STX8: variants seen among roughly 807,000 people sequenced by gnomAD.
STX8 encodes the protein syntaxin 8.
Under a neutral mutation model 37.5 loss-of-function variants are expected in STX8, and 23 were observed. The observed-to-expected ratio is 0.61, with a 90% CI of 0.44 to 0.87. The LOEUF (loss-of-function observed/expected upper bound fraction) is 0.87. Among genes scored for constraint, STX8 ranks in the 40% least tolerant of loss-of-function variants. The pLI, the probability that STX8 is intolerant of heterozygous loss-of-function variation, is 0.00. For synonymous variants in STX8, 115 were observed against 99.1 expected, an observed-to-expected ratio of 1.16 and a Z score of -0.95; for missense variants, 313 against 284.7, an observed-to-expected ratio of 1.10 and a Z score of -0.71.
At chr17:9,397,194 G>A (rs1319424886) in intron 6 of STX8, among the ~76,000 whole-genome samples, 4 of 152,154 alleles carry the variant, frequency 2.6e-5, no homozygotes, top group African/African-American at 4.8e-5. Context: ...TCAGGAGTTC[G>A]AGACCAGCCT....
At chr17:9,346,013 G>A (rs148904712) in intron 7 of STX8, among the ~76,000 whole-genome samples, 19 of 151,658 alleles carry the variant, frequency 1.3e-4, no homozygotes, top group East Asian at 3.9e-4. Flanking sequence ...CACCACACCC[G>A]GCTCATTTTT....
At chr17:9,490,699 T>C (rs1906817229) in intron 6 of STX8, among the ~76,000 whole-genome samples, 1 of 152,198 alleles carries the variant, frequency 6.6e-6, no homozygotes, top group African/African-American at 2.4e-5. Flanking sequence ...CATCGTGTTA[T>C]TACTAAAAGC....
At chr17:9,575,519 G>A (rs1055923109) in intron 1 of STX8, among the ~76,000 whole-genome samples, 1 of 152,200 alleles carries the variant, frequency 6.6e-6, no homozygotes, top group African/African-American at 2.4e-5. Context: ...TCCCCGCAAC[G>A]AGATGCAGCC....
At chr17:9,307,248 C>G (rs537536788) in intron 7 of STX8, among the ~76,000 whole-genome samples, 1 of 152,328 alleles carries the variant, frequency 6.6e-6, no homozygotes, top group South Asian at 2.1e-4. Context: ...CCATCCCCCC[C>G]ACCAAAACAA....
chr17:9,376,138 T>C (rs963102733), intron 7 of STX8, among the ~76,000 whole-genome samples: 1 of 152,230 alleles, frequency 6.6e-6, no homozygotes, highest in South Asian at 2.1e-4. Flanking sequence ...GCTGGACTTC[T>C]GGGTCGGGTG....
At chr17:9,445,571 C>T (rs1278427261) in intron 6 of STX8, among the ~76,000 whole-genome samples, 11 of 146,956 alleles carry the variant, frequency 7.5e-5, no homozygotes, top group South Asian at 2.2e-4. Flanking sequence ...ACCACGCAAG[C>T]GGGGAAGGCA....
chr17:9,406,464 G>A (rs952795189), intron 6 of STX8, among the ~76,000 whole-genome samples: 1 of 152,138 alleles, frequency 6.6e-6, no homozygotes, highest in African/African-American at 2.4e-5. Flanking sequence ...AGCAACAGGA[G>A]GTGACTATGA....
chr17:9,565,529 T>C (rs1400488612), intron 2 of STX8, among the ~76,000 whole-genome samples: 2 of 146,344 alleles, frequency 1.4e-5, no homozygotes, highest in East Asian at 2.0e-4. Context: ...GATGCAAGAA[T>C]CACTTGAAGC....
At chr17:9,330,750 T>C (rs1232168814) in intron 7 of STX8, among the ~76,000 whole-genome samples, 1 of 152,220 alleles carries the variant, frequency 6.6e-6, no homozygotes, top group African/African-American at 2.4e-5. Flanking sequence ...ATGGCTTGTA[T>C]ACACTTTCCA....
At chr17:9,275,596 G>T (rs961307262) in intron 7 of STX8, among the ~76,000 whole-genome samples, 8 of 152,174 alleles carry the variant, frequency 5.3e-5, no homozygotes, top group Non-Finnish European at 1.2e-4. Flanking sequence ...CAGGTTGGGC[G>T]CAGTGGCTCA....
chr17:9,545,488 G>A (rs1430243100), intron 3 of STX8, among the ~76,000 whole-genome samples: 1 of 152,154 alleles, frequency 6.6e-6, no homozygotes, highest in Non-Finnish European at 1.5e-5. Flanking sequence ...CAGGACCATC[G>A]CAGAGGCACT....
intron 6 of STX8, among the ~76,000 whole-genome samples, chr17:9,482,910 G>A (rs114641532): frequency 2.9e-4 from 44 of 152,126 alleles, no homozygotes; most frequent in African/African-American, 9.4e-4. Flanking sequence ...GCGAAACTGC[G>A]TCTCAAAAAA....
intron 2 of STX8, among the ~76,000 whole-genome samples, chr17:9,563,127 A>T (rs1907310113): frequency 6.6e-6 from 1 of 151,792 alleles, no homozygotes; most frequent in African/African-American, 2.4e-5. Context: ...GATACAAAAG[A>T]GTATCTGTCA....
intron 6 of STX8, among the ~76,000 whole-genome samples, chr17:9,455,479 G>A (rs760356344): frequency 4.6e-5 from 7 of 152,086 alleles, no homozygotes; most frequent in East Asian, 3.9e-4. Flanking sequence ...CAGCCTGGGC[G>A]ACAGAGCGAG....
intron 4 of STX8, among the ~76,000 whole-genome samples, chr17:9,518,524 T>C (rs115435389): frequency 0.035 from 5,331 of 152,258 alleles, 293 homozygotes; most frequent in African/African-American, 0.12. Flanking sequence ...TCTCACGGTA[T>C]TGTGTTTCTC....
At chr17:9,339,150 C>T (rs1471638582) in intron 7 of STX8, among the ~76,000 whole-genome samples, 1 of 151,902 alleles carries the variant, frequency 6.6e-6, no homozygotes, top group East Asian at 1.9e-4. Context: ...ACTACAGCAT[C>T]CTGAGACCCA....
At chr17:9,549,666 A>C (rs566578963) in intron 3 of STX8, among the ~76,000 whole-genome samples, 1 of 152,224 alleles carries the variant, frequency 6.6e-6, no homozygotes, top group African/African-American at 2.4e-5. Context: ...AATTAGGAAC[A>C]TGCTGCCTCT....
chr17:9,380,248 CTGTG>C (rs1041301113), intron 6 of STX8, among the ~76,000 whole-genome samples: 1 of 122,664 alleles, frequency 8.2e-6, no homozygotes, highest in East Asian at 2.3e-4. Context: ...GTTTGAATTT[CTGTG>C]TGTTTTTTTT....
intron 6 of STX8, among the ~76,000 whole-genome samples, chr17:9,412,281 A>ATTTT (rs529582626): frequency 4.9e-5 from 7 of 144,320 alleles, no homozygotes; most frequent in African/African-American, 1.8e-4. Flanking sequence ...CACAGCAGCA[A>ATTTT]TTTTTTTTTT....
Sources: gnomAD v4.1 joint callset for allele counts (sites outside exome capture counted in the v4.1 genomes callset) on GRCh38, gnomAD v4.1.1 for gene constraint, MANE v1.5 for transcripts, NCBI Gene and HGNC (gene_info 2026-07-23, HGNC 2026-07-21) for gene names.